PLXNA4: variants seen among roughly 807,000 people sequenced by gnomAD.
PLXNA4 encodes plexin A4.
PLXNA4 carries 44 observed loss-of-function variants against 191.8 expected under a neutral mutation model. The observed-to-expected ratio is 0.23, with a 90% confidence interval of 0.18 to 0.29. PLXNA4 has a LOEUF of 0.29. Ranked by LOEUF, PLXNA4 falls within the 10% of genes least tolerant of loss-of-function variation. PLXNA4 has a pLI of 1.00. For missense variants in PLXNA4, 1,800 were observed against 2,488.8 expected (o/e 0.72, Z 5.89); for synonymous variants, 1,082 against 1,009.5 (o/e 1.07, Z -1.36).
intron 1 of PLXNA4, among the ~76,000 whole-genome samples, chr7:132,533,187 T>C (rs1380320615): frequency 6.6e-6 from 1 of 152,222 alleles, no homozygotes; most frequent in Non-Finnish European, 1.5e-5. Context: ...AAGGTGAAGA[T>C]ATGCTTCTTA....
At chr7:132,175,710 T>C (rs997767541) in intron 20 of PLXNA4, among the ~76,000 whole-genome samples, 10 of 152,236 alleles carry the variant, frequency 6.6e-5, no homozygotes, top group Admixed American at 4.6e-4. Context: ...TCTGGAAACA[T>C]CCTCCCCCAG....
chr7:132,569,834 A>T (rs1801892148), intron 1 of PLXNA4, among the ~76,000 whole-genome samples: 1 of 152,152 alleles, frequency 6.6e-6, no homozygotes, highest in African/African-American at 2.4e-5. Flanking sequence ...CCAGAGGTGG[A>T]CTCTGTACCT....
At chr7:132,496,568 A>AT (rs1269432628) in intron 2 of PLXNA4, among the ~76,000 whole-genome samples, 3 of 152,006 alleles carry the variant, frequency 2.0e-5, no homozygotes, top group African/African-American at 4.8e-5. Flanking sequence ...CACCCAGCTA[A>AT]TTTTTTTATT....
chr7:132,565,835 C>T (rs1286723012), intron 1 of PLXNA4, among the ~76,000 whole-genome samples: 2 of 152,164 alleles, frequency 1.3e-5, no homozygotes, highest in Non-Finnish European at 2.9e-5. Context: ...GGCTGGGAAT[C>T]AATACAAGCT....
chr7:132,391,062 G>A (rs1385580874), intron 3 of PLXNA4, among the ~76,000 whole-genome samples: 1 of 152,182 alleles, frequency 6.6e-6, no homozygotes, highest in Non-Finnish European at 1.5e-5. Context: ...TAAAGCAAAG[G>A]GATGATGGAA....
intron 20 of PLXNA4, among the ~76,000 whole-genome samples, chr7:132,175,149 A>G (rs953421241): frequency 6.6e-6 from 1 of 152,072 alleles, no homozygotes; most frequent in African/African-American, 2.4e-5. Flanking sequence ...TGGGGCTAAA[A>G]CCTTTCCAAA....
intron 10 of PLXNA4, among the ~76,000 whole-genome samples, chr7:132,209,158 C>T (rs17215844): frequency 0.13 from 20,243 of 152,268 alleles, 1,439 homozygotes; most frequent in African/African-American, 0.18. Flanking sequence ...TGTCTATTAA[C>T]GGAGTCAACC....
intron 3 of PLXNA4, among the ~76,000 whole-genome samples, chr7:132,425,600 G>A (rs985155459): frequency 6.6e-6 from 1 of 152,068 alleles, no homozygotes; most frequent in Non-Finnish European, 1.5e-5. Flanking sequence ...CTTAGAAGAG[G>A]CAGACAGGAA....
At position 132,534,871 on chromosome 7, in the gene PLXNA4, C is replaced by A. The variant is rs150958900; in HGVS notation, c.-86-26092G>T. Among the ~76,000 whole-genome samples, 89 of 152,292 alleles carry A rather than the reference C, an allele frequency of 5.8e-4. 1 individual carries two copies. The East Asian group carries it at 0.017, about 29-fold the overall frequency. ...CTGAGGCTGACACGGCGCCCCCATT[C>A]CTTAACCTGCCACAGTATTTAGCAA... is the stretch of plus-strand genomic sequence containing the variant. On this transcript the variant is annotated intron_variant, in intron 1 of 31. Transcript: ENST00000321063.
chr7:132,551,791 C>G (rs1205438230), intron 1 of PLXNA4, among the ~76,000 whole-genome samples: 3 of 152,244 alleles, frequency 2.0e-5, no homozygotes, highest in Non-Finnish European at 4.4e-5. Context: ...ACATCCAAAA[C>G]TAATCCTCTT....
At chr7:132,597,859 C>CTCTCTCTATA (rs10660880) in intron 2 of PLXNA4, among the ~76,000 whole-genome samples, 5 of 145,356 alleles carry the variant, frequency 3.4e-5, no homozygotes, top group East Asian at 2.1e-4. Flanking sequence ...CTCTCTCTCT[C>CTCTCTCTATA]TATATATATA....
intron 3 of PLXNA4, among the ~76,000 whole-genome samples, chr7:132,361,502 A>G (rs917449002): frequency 3.9e-5 from 6 of 152,186 alleles, no homozygotes; most frequent in African/African-American, 1.4e-4. Flanking sequence ...GCTGCACCAC[A>G]ACCAGTTATT....
At chr7:132,185,002 C>G (rs1199557899) in intron 16 of PLXNA4, among the ~76,000 whole-genome samples, 1 of 152,164 alleles carries the variant, frequency 6.6e-6, no homozygotes, top group Admixed American at 6.5e-5. Context: ...CCTGGCACCC[C>G]CAGCAGTCAC....
intron 1 of PLXNA4, among the ~76,000 whole-genome samples, chr7:132,562,046 C>A (rs1182873146): frequency 7.6e-6 from 1 of 130,866 alleles, no homozygotes; most frequent in Non-Finnish European, 1.6e-5. Flanking sequence ...CCTCTTCCTC[C>A]TCCTCTCCCT....
chr7:132,389,974 G>T (rs1805329770), intron 3 of PLXNA4, among the ~76,000 whole-genome samples: 1 of 152,166 alleles, frequency 6.6e-6, no homozygotes, highest in Non-Finnish European at 1.5e-5. Context: ...TGGTGGGAGT[G>T]TAAATTAGTT....
intron 3 of PLXNA4, chr7:132,384,357 T>C: frequency 2.0e-6 from 2 of 985,456 alleles, no homozygotes; most frequent in Non-Finnish European, 2.4e-6. Flanking sequence ...AGTAAGCTAG[T>C]AGAAATGATA....
intron 2 of PLXNA4, among the ~76,000 whole-genome samples, chr7:132,494,738 C>T (rs1797940459): frequency 6.6e-6 from 1 of 152,194 alleles, no homozygotes; most frequent in Admixed American, 6.5e-5. Context: ...GGTTACTTTA[C>T]CAATTACAGG....
At chr7:132,450,302 A>G (rs1180112430) in intron 3 of PLXNA4, among the ~76,000 whole-genome samples, 1 of 152,180 alleles carries the variant, frequency 6.6e-6, no homozygotes, top group Non-Finnish European at 1.5e-5. Flanking sequence ...TTCCTCAGCT[A>G]TGAAGGAGGT....
chr7:132,586,785 G>C (rs547145473), intron 2 of PLXNA4, among the ~76,000 whole-genome samples: 1 of 152,160 alleles, frequency 6.6e-6, no homozygotes, highest in Admixed American at 6.5e-5. Flanking sequence ...AATTAGCTGG[G>C]TGTGGTGGCA....
Sources: allele counts gnomAD v4.1 joint callset (sites outside exome capture counted in the v4.1 genomes callset), GRCh38; gene constraint gnomAD v4.1.1; transcripts MANE v1.5; gene names NCBI Gene and HGNC (gene_info 2026-07-23, HGNC 2026-07-21).